LAMA2: variants seen among roughly 807,000 people sequenced by gnomAD.
LAMA2 encodes laminin subunit alpha-2.
In LAMA2, 269 loss-of-function variants were observed where a neutral mutation model predicts 364.8. The observed-to-expected ratio is 0.74, with a 90% CI of 0.67 to 0.82. LAMA2 has a LOEUF of 0.82. LAMA2 is among the 40% of genes least tolerant of loss of function. The pLI, the probability that LAMA2 is intolerant of heterozygous loss-of-function variation, is 0.00. For missense variants in LAMA2, 3,807 were observed against 3,873.2 expected (o/e 0.98, Z 0.45); for synonymous variants, 1,379 against 1,370.6 (o/e 1.01, Z -0.14).
chr6:129,476,248 T>A (rs947362705), intron 53 of LAMA2, among the ~76,000 whole-genome samples: 3 of 152,164 alleles, frequency 2.0e-5, no homozygotes, highest in African/African-American at 7.2e-5. Flanking sequence ...ATCCAAGAAA[T>A]TTTTAAAACC....
intron 41 of LAMA2, among the ~76,000 whole-genome samples, chr6:129,432,857 C>T (rs1302274633): frequency 2.0e-5 from 3 of 152,172 alleles, no homozygotes; most frequent in Non-Finnish European, 4.4e-5. Context: ...AACCTGCTAC[C>T]AGACAAGTAC....
chr6:129,311,817 G>A (rs1443733396), intron 22 of LAMA2, among the ~76,000 whole-genome samples: 1 of 152,172 alleles, frequency 6.6e-6, no homozygotes, highest in East Asian at 1.9e-4. Context: ...AGTTAAGATT[G>A]CAATAGGGTA....
intron 9 of LAMA2, among the ~76,000 whole-genome samples, chr6:129,166,084 C>A (rs1366766676): frequency 6.6e-6 from 1 of 152,018 alleles, no homozygotes; most frequent in Non-Finnish European, 1.5e-5. Context: ...GTGGGAAAAG[C>A]AAATAGAAGA....
At chr6:129,426,953 T>C (rs1411046980) in intron 40 of LAMA2, among the ~76,000 whole-genome samples, 1 of 152,222 alleles carries the variant, frequency 6.6e-6, no homozygotes, top group Non-Finnish European at 1.5e-5. Context: ...GCAATACTTT[T>C]CCAATTTAAA....
At chr6:129,316,222 A>C in intron 27 of LAMA2, 51 bp downstream of exon 27, 1 of 1,425,996 alleles carries the variant, frequency 7.0e-7, no homozygotes, top group South Asian at 1.2e-5. Context: ...TCTGTAAGGA[A>C]GGTTATTGAC....
In LAMA2 at chr6:129,473,275, T is replaced by A. The variant is rs751392699; in HGVS notation, c.7362T>A (p.Ser2454=). ...AGGAGAATATAGCAACTTCGTCTTC[T>A]GGAAACAACTTTGGTCTTGACTTGA... is the stretch of plus-strand genomic sequence containing the variant. ...NQEENIATSS[S]GNNFGLDLKA... The change falls in exon 52 of 65, where the codon TCT becomes TCA. Residue 2454 remains serine (S), a synonymous_variant. Coordinates refer to ENST00000421865, the MANE Select transcript of LAMA2 (RefSeq NM_000426.4). 1.9e-6 allele frequency: 3 copies of A among 1,611,478 alleles called. No individual in the cohort carries two copies. In the Admixed American group the frequency reaches 5.0e-5, roughly 27 times the overall value.
At chr6:129,045,268 T>C (rs142232120) in intron 1 of LAMA2, among the ~76,000 whole-genome samples, 168 of 152,316 alleles carry the variant, frequency 1.1e-3, no homozygotes, top group African/African-American at 3.8e-3. Context: ...TGAAAGATCC[T>C]AAATGTAAAT....
intron 12 of LAMA2, among the ~76,000 whole-genome samples, chr6:129,207,193 T>C (rs1178947094): frequency 6.6e-6 from 1 of 152,220 alleles, no homozygotes; most frequent in East Asian, 1.9e-4. Flanking sequence ...TTTTGCATTG[T>C]GTATTCGTAT....
chr6:129,138,167 G>A (rs972671549), intron 4 of LAMA2, among the ~76,000 whole-genome samples: 3 of 151,966 alleles, frequency 2.0e-5, no homozygotes, highest in Admixed American at 2.0e-4. Context: ...ATATATTTGA[G>A]TGAATGAGTG....
rs1292598004 is a variant in LAMA2 at position 128,922,484 on chromosome 6, C to T, written c.112+39127C>T. On this transcript the variant is annotated intron_variant, in intron 1 of 64. Coordinates refer to ENST00000421865, the MANE Select transcript of LAMA2 (RefSeq NM_000426.4). ...TGATGGTGAGCATTTTTTCATGTGTCTTTTGGCTGCATAAATGTCTTCTTT... is the reference window on the plus strand; with the variant it reads ...TGATGGTGAGCATTTTTTCATGTGTTTTTTGGCTGCATAAATGTCTTCTTT... Among the ~76,000 whole-genome samples the T allele has an allele frequency of 2.3e-4, 34 of 150,870 alleles. No individual in the cohort carries two copies. The East Asian group carries it at 4.8e-3, about 21-fold the overall frequency.
intron 34 of LAMA2, among the ~76,000 whole-genome samples, chr6:129,379,399 T>TA (rs1348279525): frequency 1.3e-5 from 2 of 151,996 alleles, no homozygotes; most frequent in East Asian, 3.9e-4. Context: ...TAAAAAAATA[T>TA]AAAAAATACA....
chr6:129,071,946 G>T (rs972826288), intron 3 of LAMA2, among the ~76,000 whole-genome samples: 6 of 151,212 alleles, frequency 4.0e-5, no homozygotes, highest in Non-Finnish European at 8.8e-5. Context: ...TGGGCAACGT[G>T]GTGAAACCTC....
At chr6:129,297,646 T>G (rs117096733) in intron 20 of LAMA2, 39 bp from the exon 21 acceptor site, 1 of 1,598,060 alleles carries the variant, frequency 6.3e-7, no homozygotes, top group Non-Finnish European at 8.6e-7. Flanking sequence ...TCGAGTTAAC[T>G]GATTTAAATT....
chr6:128,887,318 C>T (rs1299647374), intron 1 of LAMA2, among the ~76,000 whole-genome samples: 5 of 151,952 alleles, frequency 3.3e-5, no homozygotes, highest in Admixed American at 2.6e-4. Flanking sequence ...AACTTTTTGG[C>T]TTGTTTGCCA....
intron 49 of LAMA2, among the ~76,000 whole-genome samples, chr6:129,461,099 T>TA (rs1017196064): frequency 5.3e-5 from 8 of 152,052 alleles, no homozygotes; most frequent in African/African-American, 1.7e-4. Context: ...AGAGCCCACT[T>TA]ATCACCCAAG....
intron 9 of LAMA2, among the ~76,000 whole-genome samples, chr6:129,168,168 A>T (rs1779886577): frequency 6.9e-6 from 1 of 145,286 alleles, no homozygotes; most frequent in South Asian, 2.3e-4. Flanking sequence ...CTTTAGTTTA[A>T]TTAGATCCCA....
intron 1 of LAMA2, among the ~76,000 whole-genome samples, chr6:128,983,630 A>G (rs985305303): frequency 6.6e-6 from 1 of 152,132 alleles, no homozygotes; most frequent in Admixed American, 6.6e-5. Context: ...CACCTTGCTA[A>G]AAAGTTTGGA....
At chr6:128,960,192 C>A (rs897836965) in intron 1 of LAMA2, among the ~76,000 whole-genome samples, 8 of 151,938 alleles carry the variant, frequency 5.3e-5, no homozygotes, top group Non-Finnish European at 1.2e-4. Context: ...AATTCATACA[C>A]CTAACTTAAG....
chr6:129,199,477 C>G (rs1006371196), intron 12 of LAMA2, among the ~76,000 whole-genome samples: 9 of 151,968 alleles, frequency 5.9e-5, no homozygotes, highest in African/African-American at 2.2e-4. Context: ...TAACATTGTG[C>G]TAGAAGATGT....
Sources: gnomAD v4.1 joint callset for allele counts (sites outside exome capture counted in the v4.1 genomes callset) on GRCh38, gnomAD v4.1.1 for gene constraint, MANE v1.5 for transcripts, NCBI Gene and HGNC (gene_info 2026-07-23, HGNC 2026-07-21) for gene names.